SPATA9: variants seen among roughly 807,000 people sequenced by gnomAD.
SPATA9 encodes spermatogenesis associated 9.
In SPATA9, 27 loss-of-function variants were observed where a neutral mutation model predicts 25.5. That is an observed-to-expected ratio of 1.06 (90% CI 0.78 to 1.46). The LOEUF (loss-of-function observed/expected upper bound fraction) is 1.46. Among genes scored for constraint, SPATA9 ranks in the 40% most tolerant of loss-of-function variants. SPATA9 has a pLI of 0.00. For synonymous variants in SPATA9, 102 were observed against 105.7 expected, an observed-to-expected ratio of 0.97 and a Z score of 0.21; for missense variants, 282 against 297.5, an observed-to-expected ratio of 0.95 and a Z score of 0.38.
the SPATA9 span, among the ~76,000 whole-genome samples, chr5:95,715,785 A>G: frequency 6.6e-6 from 1 of 152,236 alleles, no homozygotes; most frequent in Non-Finnish European, 1.5e-5. Flanking sequence ...CAAAGAAACT[A>G]AAAGATTAAC....
At chr5:95,731,608 G>T in the SPATA9 span, 1 of 1,597,194 alleles carries the variant, frequency 6.3e-7, no homozygotes, top group Non-Finnish European at 8.5e-7. Flanking sequence ...GGGTGAACTC[G>T]CCGCCCGGGG....
At chr5:95,717,045 T>A in the SPATA9 span, 2 of 152,400 alleles carry the variant, frequency 1.3e-5, no homozygotes, top group Admixed American at 1.3e-4. Flanking sequence ...AACAGACTAA[T>A]ACAGCTGGGT....
intron 1 of SPATA9, among the ~76,000 whole-genome samples, chr5:95,696,522 G>A (rs1346236591): frequency 1.3e-5 from 2 of 152,150 alleles, no homozygotes; most frequent in African/African-American, 2.4e-5. Context: ...TAAAAGAAAG[G>A]AGTATTGTAA....
At chr5:95,731,302 C>T in the SPATA9 span, 8 of 1,045,628 alleles carry the variant, frequency 7.7e-6, no homozygotes, top group African/African-American at 1.2e-4. Context: ...GACCCCCCTT[C>T]TCTGCTTAGA....
intron 1 of SPATA9, among the ~76,000 whole-genome samples, chr5:95,691,750 G>C (rs1252232550): frequency 2.0e-5 from 3 of 152,106 alleles, no homozygotes; most frequent in Non-Finnish European, 4.4e-5. Flanking sequence ...AATTATTACA[G>C]CAGGATCACC....
chr5:95,704,997 T>G, the SPATA9 span, among the ~76,000 whole-genome samples: 1 of 151,376 alleles, frequency 6.6e-6, no homozygotes, highest in African/African-American at 2.4e-5. Flanking sequence ...CAGGCTGGAG[T>G]GCAATGGCAA....
intron 3 of SPATA9, among the ~76,000 whole-genome samples, chr5:95,673,809 A>G (rs1009131286): frequency 6.6e-6 from 1 of 150,450 alleles, no homozygotes; most frequent in Admixed American, 6.7e-5. Context: ...CAGTGGTGCA[A>G]TCTTGACTCA....
upstream of SPATA9, among the ~76,000 whole-genome samples, chr5:95,687,801 T>G (rs1331210715): frequency 6.6e-6 from 1 of 152,226 alleles, no homozygotes; most frequent in African/African-American, 2.4e-5. Flanking sequence ...TTATTTGTTG[T>G]CTGTTTCCCC....
chr5:95,665,762 G>T (rs987705415), intron 3 of SPATA9, among the ~76,000 whole-genome samples: 1 of 152,112 alleles, frequency 6.6e-6, no homozygotes, highest in Non-Finnish European at 1.5e-5. Context: ...ATCACCTGAG[G>T]TCAGGAGACC....
the SPATA9 span, among the ~76,000 whole-genome samples, chr5:95,718,595 C>T: frequency 6.6e-6 from 1 of 152,178 alleles, no homozygotes; most frequent in Non-Finnish European, 1.5e-5. Context: ...ATACCAAATG[C>T]TCAATTGAAG....
At chr5:95,729,135 A>G in the SPATA9 span, among the ~76,000 whole-genome samples, 23 of 152,232 alleles carry the variant, frequency 1.5e-4, no homozygotes, top group African/African-American at 5.3e-4. Flanking sequence ...AGCCCATGAC[A>G]CTGCTCTGCC....
chr5:95,697,341 A>G (rs941597627), intron 1 of SPATA9, among the ~76,000 whole-genome samples: 1 of 152,146 alleles, frequency 6.6e-6, no homozygotes, highest in Admixed American at 6.5e-5. Context: ...TGGCCTCTCC[A>G]TAGACTGCTT....
At chr5:95,687,693 G>A (rs1561418210), upstream of SPATA9, among the ~76,000 whole-genome samples, 1 of 152,178 alleles carries the variant, frequency 6.6e-6, no homozygotes, top group Non-Finnish European at 1.5e-5. Context: ...TAAAGTAACA[G>A]GCTATATAGA....
At chr5:95,691,181 A>C (rs1206031300) in intron 1 of SPATA9, among the ~76,000 whole-genome samples, 2 of 149,558 alleles carry the variant, frequency 1.3e-5, no homozygotes, top group East Asian at 2.0e-4. Flanking sequence ...GTGCCACTGC[A>C]CTCCAGCCTG....
chr5:95,678,567 C>T (rs942587155), intron 2 of SPATA9, among the ~76,000 whole-genome samples: 6 of 152,034 alleles, frequency 3.9e-5, no homozygotes, highest in East Asian at 1.9e-4. Context: ...ATGGCCTTTT[C>T]GTAAATAAAT....
chr5:95,688,287 G>A (rs183446910), intron 1 of SPATA9, among the ~76,000 whole-genome samples: 1 of 152,288 alleles, frequency 6.6e-6, no homozygotes, highest in East Asian at 1.9e-4. Flanking sequence ...CTCTCACAAA[G>A]TGCAAGAGGT....
intron 1 of SPATA9, among the ~76,000 whole-genome samples, chr5:95,696,127 CACTT>C (rs759866959): frequency 2.0e-5 from 3 of 152,204 alleles, no homozygotes; most frequent in Non-Finnish European, 2.9e-5. Context: ...ACCCCACTGA[CACTT>C]AATTATAGCT....
chr5:95,666,076 T>C (rs1230437407), intron 3 of SPATA9, among the ~76,000 whole-genome samples: 1 of 152,230 alleles, frequency 6.6e-6, no homozygotes, highest in Non-Finnish European at 1.5e-5. Context: ...ACTTTATAAG[T>C]ATTCACATTT....
chr5:95,686,009 G>A (rs1753735920), upstream of SPATA9, among the ~76,000 whole-genome samples: 1 of 152,070 alleles, frequency 6.6e-6, no homozygotes, highest in Non-Finnish European at 1.5e-5. Flanking sequence ...GCTAATTTTT[G>A]TATTTTTAGT....
Sources: allele counts gnomAD v4.1 joint callset (sites outside exome capture counted in the v4.1 genomes callset), GRCh38; gene constraint gnomAD v4.1.1; transcripts MANE v1.5; gene names NCBI Gene and HGNC (gene_info 2026-07-23, HGNC 2026-07-21).